Variants in RBFOX1 observed in about 807,000 individuals in gnomAD.
The protein encoded by RBFOX1 is RNA binding protein fox-1 homolog 1.
Under a neutral mutation model 57.7 loss-of-function variants are expected in RBFOX1, and 8 were observed. That is an observed-to-expected ratio of 0.14 (90% CI 0.08 to 0.25). The LOEUF is 0.25. RBFOX1 is among the 10% of genes least tolerant of loss of function. The pLI, the probability that RBFOX1 is intolerant of heterozygous loss-of-function variation, is 1.00. For missense variants in RBFOX1, 611 were observed against 548.5 expected, an observed-to-expected ratio of 1.11 and a Z score of -1.14; for synonymous variants, 326 against 222.4, an observed-to-expected ratio of 1.47 and a Z score of -4.15.
At chr16:7,190,010 A>G (rs2084978426) in intron 4 of RBFOX1, among the ~76,000 whole-genome samples, 1 of 152,220 alleles carries the variant, frequency 6.6e-6, no homozygotes, top group African/African-American at 2.4e-5. Flanking sequence ...TTATTAGAAG[A>G]CCAATAAGAA....
At chr16:6,610,376 G>A (rs1487479042) in intron 2 of RBFOX1, among the ~76,000 whole-genome samples, 6 of 152,098 alleles carry the variant, frequency 3.9e-5, no homozygotes, top group Admixed American at 6.6e-5. Context: ...CACCCAGGCT[G>A]GAGTGCAGTG....
At chr16:6,055,899 G>A (rs1330670253) in intron 1 of RBFOX1, among the ~76,000 whole-genome samples, 1 of 152,174 alleles carries the variant, frequency 6.6e-6, no homozygotes, top group Non-Finnish European at 1.5e-5. Context: ...TTTACTGGAT[G>A]TTTGATTTTA....
At chr16:6,478,084 C>T (rs879693271) in intron 2 of RBFOX1, among the ~76,000 whole-genome samples, 1 of 152,066 alleles carries the variant, frequency 6.6e-6, no homozygotes, top group Non-Finnish European at 1.5e-5. Flanking sequence ...ACCACTAATA[C>T]TCCACACCAG....
chr16:7,299,573 C>T (rs1042886289), intron 4 of RBFOX1, among the ~76,000 whole-genome samples: 19 of 152,268 alleles, frequency 1.2e-4, no homozygotes, highest in African/African-American at 4.1e-4. Context: ...GAAAAAGGAG[C>T]GCTGTGCTCA....
chr16:6,481,409 G>C (rs1377115113), intron 2 of RBFOX1, among the ~76,000 whole-genome samples: 1 of 152,214 alleles, frequency 6.6e-6, no homozygotes, highest in Non-Finnish European at 1.5e-5. Flanking sequence ...TGATTAAATG[G>C]CCACATGTGC....
At chr16:6,990,100 T>C (rs1434315264) in intron 3 of RBFOX1, among the ~76,000 whole-genome samples, 2 of 152,228 alleles carry the variant, frequency 1.3e-5, no homozygotes, top group East Asian at 1.9e-4. Flanking sequence ...CTGCTTGTTT[T>C]TATGTGAACA....
chr16:5,565,098 C>A (rs943506354), intron 2 of RBFOX1, among the ~76,000 whole-genome samples: 2 of 152,126 alleles, frequency 1.3e-5, no homozygotes, highest in Non-Finnish European at 1.5e-5. Context: ...AATGGGAACA[C>A]GTGGGGTTTG....
rs536500528 is a variant in RBFOX1 at position 6,892,353 on chromosome 16, G to A, written c.-15-159704G>A. Among the ~76,000 whole-genome samples, 25 of 152,270 alleles carry A rather than the reference G, an allele frequency of 1.6e-4. No individual in the cohort carries two copies. The East Asian group carries it at 4.8e-3, about 29-fold the overall frequency. ...TTTGAAAAGGGGGTTATTTTAAGGA[G>A]ACTCAGAAAATATCTTAAAATATCC... On this transcript the variant is annotated intron_variant, in intron 3 of 15. Transcript: ENST00000550418.
intron 2 of RBFOX1, among the ~76,000 whole-genome samples, chr16:5,562,472 G>C (rs558537610): frequency 1.9e-4 from 29 of 151,840 alleles, no homozygotes; most frequent in South Asian, 4.2e-4. Context: ...AGGATGTATA[G>C]AGCAATTCTC....
chr16:6,959,224 T>A (rs1481520166), intron 3 of RBFOX1, among the ~76,000 whole-genome samples: 3 of 152,184 alleles, frequency 2.0e-5, no homozygotes, highest in Non-Finnish European at 4.4e-5. Flanking sequence ...AAAAAGTACC[T>A]CTCTTTGCTA....
intron 2 of RBFOX1, among the ~76,000 whole-genome samples, chr16:6,396,214 CCAA>C (rs2092828623): frequency 6.6e-6 from 1 of 151,970 alleles, no homozygotes; most frequent in South Asian, 2.1e-4. Context: ...ATGGTACTCC[CCAA>C]CAACCATAAG....
chr16:5,740,149 T>C (rs548599040), intron 3 of RBFOX1, among the ~76,000 whole-genome samples: 7 of 152,270 alleles, frequency 4.6e-5, no homozygotes, highest in African/African-American at 1.7e-4. Flanking sequence ...GTGGAGGAAG[T>C]AAACACACGG....
chr16:7,572,966 G>T (rs546955831), intron 5 of RBFOX1, among the ~76,000 whole-genome samples: 1 of 152,216 alleles, frequency 6.6e-6, no homozygotes, highest in Admixed American at 6.5e-5. Context: ...TGCTCTCCTC[G>T]AGTTACATCC....
At chr16:7,561,601 A>G (rs2090392668) in intron 5 of RBFOX1, among the ~76,000 whole-genome samples, 1 of 152,210 alleles carries the variant, frequency 6.6e-6, no homozygotes, top group Admixed American at 6.5e-5. Context: ...ACAAAGAATG[A>G]TATCTCCATG....
rs10153231 is a variant in RBFOX1 at position 5,397,542 on chromosome 16, T to A, written c.220-69674T>A. ...TCTGTACCACATTACAGGGCCCTGC[T>A]AAAGACACTGATTAAAGATTGAAAA... On this transcript the variant is annotated intron_variant, in intron 1 of 2. Coordinates refer to the RBFOX1 transcript ENST00000585867. Among the ~76,000 whole-genome samples, 884 of 152,306 alleles carry A rather than the reference T, an allele frequency of 5.8e-3. 5 individuals carry two copies. The highest frequency in any genetic ancestry group is 0.019 in the African/African-American group (797 of 41,566).
chr16:7,048,481 G>T (rs774730046), intron 3 of RBFOX1, among the ~76,000 whole-genome samples: 37 of 151,070 alleles, frequency 2.4e-4, no homozygotes, highest in Admixed American at 6.6e-5. Context: ...GGATGGTCTC[G>T]ATCTCCTGAC....
chr16:6,440,334 T>C (rs2094350301), intron 2 of RBFOX1, among the ~76,000 whole-genome samples: 1 of 152,068 alleles, frequency 6.6e-6, no homozygotes, highest in African/African-American at 2.4e-5. Flanking sequence ...GCCTGTGGGA[T>C]GGGAGAAGAT....
At chr16:6,961,258 A>G (rs989425440) in intron 3 of RBFOX1, among the ~76,000 whole-genome samples, 2 of 152,094 alleles carry the variant, frequency 1.3e-5, no homozygotes, top group Non-Finnish European at 2.9e-5. Context: ...TTTTCTCAGA[A>G]CCTGGGGAGA....
intron 5 of RBFOX1, among the ~76,000 whole-genome samples, chr16:7,570,411 G>C (rs117735555): frequency 6.1e-4 from 93 of 152,194 alleles, no homozygotes; most frequent in Middle Eastern, 6.8e-3. Flanking sequence ...ATTTCTGTCT[G>C]TATTCTGATT....
Sources: gnomAD v4.1 joint callset for allele counts (sites outside exome capture counted in the v4.1 genomes callset) on GRCh38, gnomAD v4.1.1 for gene constraint, MANE v1.5 for transcripts, NCBI Gene and HGNC (gene_info 2026-07-23, HGNC 2026-07-21) for gene names.